The following GRID1 variants were observed in gnomAD, a reference collection of about 807,000 sequenced individuals.
GRID1 encodes glutamate receptor ionotropic, delta-1.
In GRID1, 28 loss-of-function variants were observed where a neutral mutation model predicts 98.0. That is an observed-to-expected ratio of 0.29 (90% CI 0.21 to 0.39). The LOEUF (loss-of-function observed/expected upper bound fraction) is 0.39, where lower values mean the gene tolerates loss of function less well. GRID1 is among the 10% of genes least tolerant of loss of function. GRID1 has a pLI of 1.00. For synonymous variants in GRID1, 553 were observed against 538.5 expected (o/e 1.03, Z -0.37); for missense variants, 1,111 against 1,340.5 (o/e 0.83, Z 2.67).
intron 2 of GRID1, among the ~76,000 whole-genome samples, chr10:86,208,055 C>G (rs1846058486): frequency 6.6e-6 from 1 of 152,136 alleles, no homozygotes; most frequent in South Asian, 2.1e-4. Flanking sequence ...TGTAATGCCT[C>G]AGATAAGGCT....
At chr10:85,903,041 G>A (rs1237434276) in intron 5 of GRID1, among the ~76,000 whole-genome samples, 1 of 152,066 alleles carries the variant, frequency 6.6e-6, no homozygotes, top group African/African-American at 2.4e-5. Flanking sequence ...CAACCCCTCT[G>A]TGGTCTCATC....
intron 2 of GRID1, among the ~76,000 whole-genome samples, chr10:86,216,150 C>T (rs182448983): frequency 6.6e-6 from 1 of 152,354 alleles, no homozygotes; most frequent in East Asian, 1.9e-4. Context: ...GTTAACCATT[C>T]CTTTTCCTGC....
chr10:86,219,913 A>C (rs1382087043), intron 2 of GRID1, among the ~76,000 whole-genome samples: 1 of 152,142 alleles, frequency 6.6e-6, no homozygotes, highest in Non-Finnish European at 1.5e-5. Flanking sequence ...CTGTGCAAAG[A>C]GAATGGACTT....
chr10:86,206,895 C>A lies in GRID1; in HGVS notation c.236-247G>T, dbSNP rs1283443770. On this transcript the variant is annotated intron_variant, in intron 2 of 15. Transcript: ENST00000327946. The surrounding 1 kb of genome is among the most constrained non-coding windows in gnomAD (Gnocchi z 4.1). ...TAACATGAGAAAATAGAAGTCAAAA[C>A]GGGCAAAACCATTTGCCCTAGGCTA... is the stretch of plus-strand genomic sequence containing the variant. Among the ~76,000 whole-genome samples, 2 of 152,214 alleles carry A rather than the reference C, an allele frequency of 1.3e-5. No homozygotes were observed. The highest frequency in any genetic ancestry group is 1.5e-5 in the Non-Finnish European group (1 of 68,036).
intron 4 of GRID1, among the ~76,000 whole-genome samples, chr10:86,067,392 G>A (rs1412715885): frequency 2.0e-5 from 3 of 152,274 alleles, no homozygotes; most frequent in South Asian, 4.2e-4. Context: ...GCTAGTCCAG[G>A]ATATTGCGCA....
chr10:85,895,022 TA>T (rs1841270881), intron 5 of GRID1, among the ~76,000 whole-genome samples: 1 of 136,470 alleles, frequency 7.3e-6, no homozygotes, highest in South Asian at 2.3e-4. Flanking sequence ...AAAAAATATA[TA>T]TATATATATA....
intron 2 of GRID1, among the ~76,000 whole-genome samples, chr10:86,283,269 A>T (rs562762853): frequency 6.6e-6 from 1 of 152,264 alleles, no homozygotes; most frequent in African/African-American, 2.4e-5. Context: ...CCCCCACACT[A>T]TCCCTTCCTC....
chr10:85,928,531 G>A (rs1356960708), intron 4 of GRID1, among the ~76,000 whole-genome samples: 1 of 152,202 alleles, frequency 6.6e-6, no homozygotes. Flanking sequence ...GTGAAGGCTG[G>A]GAGCTGGGCC....
intron 8 of GRID1, among the ~76,000 whole-genome samples, chr10:85,777,385 C>A (rs1256248949): frequency 6.6e-6 from 1 of 152,208 alleles, no homozygotes; most frequent in Non-Finnish European, 1.5e-5. Context: ...TAATGCCTGT[C>A]AACTTTGCTG....
intron 15 of GRID1, among the ~76,000 whole-genome samples, chr10:85,603,089 C>A (rs1051867648): frequency 2.0e-5 from 3 of 152,184 alleles, no homozygotes; most frequent in African/African-American, 7.2e-5. Context: ...CCTAAGGTGT[C>A]CCATGAATTT....
In GRID1 at chr10:85,723,112, T is replaced by C. The variant is rs898381417; in HGVS notation, c.1888A>G (p.Met630Val). 3 of 1,611,084 alleles carry C rather than the reference T, an allele frequency of 1.9e-6. No homozygotes were observed. Among genetic ancestry groups the C allele is most frequent in the East Asian group, 2.2e-5 (1 of 44,774 alleles). The change falls in exon 12 of 16, where the codon ATG (methionine) becomes GTG (valine). Residue 630 changes from methionine to valine, a missense_variant. This residue lies in a region of GRID1 where 762 missense variants were observed against 869.1 expected (regional missense o/e 0.88). Coordinates refer to ENST00000327946, the MANE Select transcript of GRID1 (RefSeq NM_017551.3). ...GGESSVNSMA[M>V]RIVMGSWWLF... ...CACCAGCTGCCCATCACGATGCGCATGGCCATGGAGTTCACGGAAGATTCG... is the reference window on the plus strand; with the variant it reads ...CACCAGCTGCCCATCACGATGCGCACGGCCATGGAGTTCACGGAAGATTCG...
intron 2 of GRID1, among the ~76,000 whole-genome samples, chr10:86,275,927 C>T (rs7477196): frequency 0.51 from 77,996 of 152,018 alleles, 23,837 homozygotes; most frequent in Non-Finnish European, 0.67. Context: ...CCAAAGAGTT[C>T]AGTGAACTCC....
chr10:86,126,359 G>C (rs2131963265), intron 4 of GRID1, among the ~76,000 whole-genome samples: 1 of 152,350 alleles, frequency 6.6e-6, no homozygotes, highest in African/African-American at 2.4e-5. Flanking sequence ...AGAGGCTGAG[G>C]CAGAGAATTG....
chr10:85,915,484 T>G (rs1481378411), intron 5 of GRID1, among the ~76,000 whole-genome samples: 2 of 151,370 alleles, frequency 1.3e-5, no homozygotes, highest in African/African-American at 4.9e-5. Context: ...CACACACATA[T>G]TCACACATAC....
intron 4 of GRID1, among the ~76,000 whole-genome samples, chr10:86,004,309 A>C (rs1485785799): frequency 6.6e-6 from 1 of 152,366 alleles, no homozygotes; most frequent in African/African-American, 2.4e-5. Context: ...CAATTATCAA[A>C]GAAGAGATAG....
intron 4 of GRID1, among the ~76,000 whole-genome samples, chr10:86,097,932 CA>C (rs954185239): frequency 8.6e-5 from 13 of 151,456 alleles, no homozygotes; most frequent in South Asian, 4.2e-4. Context: ...AAATGTGAAA[CA>C]AAAAAAAATT....
intron 2 of GRID1, among the ~76,000 whole-genome samples, chr10:86,322,493 C>A (rs1337564752): frequency 6.6e-6 from 1 of 151,998 alleles, no homozygotes; most frequent in Non-Finnish European, 1.5e-5. Context: ...GTCACTGCAA[C>A]CTCCACCTCC....
At chr10:86,258,206 A>G (rs188646679) in intron 2 of GRID1, among the ~76,000 whole-genome samples, 2 of 152,244 alleles carry the variant, frequency 1.3e-5, no homozygotes, top group East Asian at 1.9e-4. Context: ...CATATAGAGC[A>G]TAAGATTTTA....
At chr10:86,276,731 C>A (rs1736574736) in intron 2 of GRID1, among the ~76,000 whole-genome samples, 1 of 152,054 alleles carries the variant, frequency 6.6e-6, no homozygotes, top group African/African-American at 2.4e-5. Flanking sequence ...CTCAAGTGTC[C>A]CACCTGCCTC....
Sources: allele counts gnomAD v4.1 joint callset (sites outside exome capture counted in the v4.1 genomes callset), GRCh38; gene constraint gnomAD v4.1.1; regional missense constraint gnomAD v4.1.1; non-coding constraint Gnocchi (gnomAD v3.1); transcripts MANE v1.5; gene names NCBI Gene and HGNC (gene_info 2026-07-23, HGNC 2026-07-21).